CARMIL1: variants seen among roughly 807,000 people sequenced by gnomAD.
CARMIL1 encodes F-actin-uncapping protein LRRC16A.
CARMIL1 carries 90 observed loss-of-function variants against 177.1 expected under a neutral mutation model. The ratio of observed to expected loss-of-function variants is 0.51; its 90% CI spans 0.43 to 0.61. The LOEUF is 0.61. Among genes scored for constraint, CARMIL1 ranks in the 20% least tolerant of loss-of-function variants. The probability of loss-of-function intolerance (pLI) is 0.00; values close to 1 mark genes in which losing one functional copy is unlikely to be tolerated. For synonymous variants in CARMIL1, 577 were observed against 606.2 expected, an observed-to-expected ratio of 0.95 and a Z score of 0.71; for missense variants, 1,380 against 1,667.0, an observed-to-expected ratio of 0.83 and a Z score of 3.00.
chr6:25,304,860 G>A (rs918043433), intron 2 of CARMIL1, among the ~76,000 whole-genome samples: 2 of 152,214 alleles, frequency 1.3e-5, no homozygotes, highest in African/African-American at 2.4e-5. Context: ...TTATGAGGCA[G>A]AGCATTTGGT....
intron 2 of CARMIL1, among the ~76,000 whole-genome samples, chr6:25,361,778 C>T (rs1022557704): frequency 1.3e-5 from 2 of 152,022 alleles, no homozygotes; most frequent in African/African-American, 4.8e-5. Context: ...ATTGATGTTA[C>T]AGGTGGCTTT....
At chr6:25,327,787 C>T (rs1785264468) in intron 2 of CARMIL1, among the ~76,000 whole-genome samples, 1 of 152,130 alleles carries the variant, frequency 6.6e-6, no homozygotes, top group Non-Finnish European at 1.5e-5. Context: ...TTATTGAATC[C>T]AACTTCTTGG....
intron 5 of CARMIL1, among the ~76,000 whole-genome samples, chr6:25,441,387 G>A (rs1373458696): frequency 4.1e-5 from 6 of 147,766 alleles, no homozygotes; most frequent in Non-Finnish European, 7.5e-5. Flanking sequence ...GTGTGTGTGT[G>A]TGTATGTATA....
intron 11 of CARMIL1, chr6:25,479,034 A>G (rs1801843672): frequency 2.1e-6 from 1 of 480,758 alleles, no homozygotes; most frequent in African/African-American, 2.0e-5. Flanking sequence ...ATTTTTACTC[A>G]CCTGTGCTCT....
At chr6:25,364,174 G>C (rs575134307) in intron 2 of CARMIL1, among the ~76,000 whole-genome samples, 1 of 152,092 alleles carries the variant, frequency 6.6e-6, no homozygotes, top group East Asian at 1.9e-4. Context: ...TGAACTCCTG[G>C]GCTCAAGTGA....
intron 2 of CARMIL1, among the ~76,000 whole-genome samples, chr6:25,296,304 T>C (rs769238495): frequency 6.6e-6 from 1 of 152,214 alleles, no homozygotes; most frequent in Non-Finnish European, 1.5e-5. Flanking sequence ...TGGCCTCTTT[T>C]CTGCCATGAG....
intron 32 of CARMIL1, among the ~76,000 whole-genome samples, chr6:25,598,148 C>T (rs187830275): frequency 6.6e-5 from 10 of 152,160 alleles, no homozygotes; most frequent in African/African-American, 2.4e-4. Flanking sequence ...CCATTTCAAT[C>T]TGGAAACTCA....
At chr6:25,366,941 G>C (rs532731843) in intron 2 of CARMIL1, among the ~76,000 whole-genome samples, 4 of 151,734 alleles carry the variant, frequency 2.6e-5, no homozygotes, top group Non-Finnish European at 5.9e-5. Flanking sequence ...ACTGAACCTT[G>C]TGTACTATTC....
At chr6:25,516,923 G>A (rs1806061178) in intron 21 of CARMIL1, among the ~76,000 whole-genome samples, 1 of 152,148 alleles carries the variant, frequency 6.6e-6, no homozygotes, top group Admixed American at 6.5e-5. Context: ...TACTGTTTGG[G>A]GGGAACAATC....
Position 25,381,342 on chromosome 6 carries a change from CACA to C in CARMIL1, c.139-38768_139-38766del, listed in dbSNP as rs199790558. On this transcript the variant is annotated intron_variant, in intron 2 of 36. Transcript: ENST00000329474. ...GGTGGGTCTGTGATCTGTTTCTACT[CACA>C]ACACTTCTGACACAAATGGCTGGAT... 9.4e-3 allele frequency among the ~76,000 whole-genome samples: 1,438 copies of C among 152,308 alleles called. 15 individuals are homozygous for C. Among genetic ancestry groups the C allele is most frequent in the African/African-American group, 0.026 (1,068 of 41,558 alleles).
intron 25 of CARMIL1, among the ~76,000 whole-genome samples, chr6:25,539,421 T>C (rs1808663376): frequency 1.3e-5 from 2 of 151,758 alleles, no homozygotes; most frequent in African/African-American, 4.8e-5. Flanking sequence ...AGAAGTGTTG[T>C]GAGTAAAAGC....
chr6:25,344,471 T>A (rs1787289451), intron 2 of CARMIL1, among the ~76,000 whole-genome samples: 1 of 152,196 alleles, frequency 6.6e-6, no homozygotes, highest in Non-Finnish European at 1.5e-5. Context: ...ACCTGTTCTG[T>A]GCTTGCACCC....
chr6:25,482,972 T>A (rs908711994), intron 12 of CARMIL1, among the ~76,000 whole-genome samples: 11 of 152,318 alleles, frequency 7.2e-5, no homozygotes, highest in Non-Finnish European at 1.5e-4. Context: ...AATTTTTTTT[T>A]AATCCCCAAA....
Position 25,412,182 on chromosome 6 carries a change from T to C in CARMIL1, c.139-7932T>C, listed in dbSNP as rs539238118. On this transcript the variant is annotated intron_variant, in intron 2 of 36. Coordinates refer to ENST00000329474, the MANE Select transcript of CARMIL1 (RefSeq NM_017640.6). Reference sequence around the variant, plus strand: ...GTAAATAACAGTAACAGACACCATGTAGCAATTCTCATGTGCCAGCACTCT... The same window carrying C: ...GTAAATAACAGTAACAGACACCATGCAGCAATTCTCATGTGCCAGCACTCT... 2.6e-5 allele frequency among the ~76,000 whole-genome samples: 4 copies of C among 152,370 alleles called. No individual in the cohort carries two copies. The South Asian group carries it at 8.3e-4, about 32-fold the overall frequency.
At chr6:25,511,024 CCTAT>C (rs1450381784) in intron 20 of CARMIL1, among the ~76,000 whole-genome samples, 1 of 152,078 alleles carries the variant, frequency 6.6e-6, no homozygotes, top group Non-Finnish European at 1.5e-5. Context: ...GACTCCTGAG[CCTAT>C]CTTTTAATTA....
Position 25,510,724 on chromosome 6 carries a change from T to C in CARMIL1, c.1594T>C (p.Leu532=). Residue 532 remains leucine (L), a synonymous_variant, in exon 20 of 37, where the codon TTG becomes CTG. Coordinates refer to ENST00000329474, the MANE Select transcript of CARMIL1 (RefSeq NM_017640.6). ...NMKSKNLTPV[L]DNLVQMIQDE... is the part of the protein sequence containing the mutation. The stretch of plus-strand genomic sequence containing the variant: ...TCTCTTTAGAAATCTGACACCTGTA[T>C]TGGACAACTTAGTACAGATGATTCA... The C allele has an allele frequency of 6.5e-7, 1 of 1,548,826 alleles. No homozygotes were observed. The highest frequency in any genetic ancestry group is 8.7e-7 in the Non-Finnish European group (1 of 1,142,886).
intron 8 of CARMIL1, among the ~76,000 whole-genome samples, chr6:25,461,128 C>T (rs752113420): frequency 6.6e-6 from 1 of 152,180 alleles, no homozygotes; most frequent in Non-Finnish European, 1.5e-5. Context: ...CTTGTTCTAG[C>T]CTCTGAACCC....
intron 2 of CARMIL1, among the ~76,000 whole-genome samples, chr6:25,299,137 CAT>C (rs1225286154): frequency 1.3e-5 from 2 of 149,846 alleles, no homozygotes; most frequent in Non-Finnish European, 3.0e-5. Flanking sequence ...TCTGTGTCTC[CAT>C]AGTCAGAAGG....
intron 11 of CARMIL1, among the ~76,000 whole-genome samples, chr6:25,473,658 C>A (rs536061493): frequency 6.6e-6 from 1 of 152,138 alleles, no homozygotes; most frequent in African/African-American, 2.4e-5. Flanking sequence ...AAAATCCACA[C>A]GGAAGTGGAC....
Sources: gnomAD v4.1 joint callset for allele counts (sites outside exome capture counted in the v4.1 genomes callset) on GRCh38, gnomAD v4.1.1 for gene constraint, MANE v1.5 for transcripts, NCBI Gene and HGNC (gene_info 2026-07-23, HGNC 2026-07-21) for gene names.